PIEZO2: variants seen among roughly 807,000 people sequenced by gnomAD.
PIEZO2 encodes piezo type mechanosensitive ion channel component 2, also known as piezo-type mechanosensitive ion channel component 2.
Under a neutral mutation model 337.3 loss-of-function variants are expected in PIEZO2, and 172 were observed. The observed-to-expected ratio is 0.51, with a 90% confidence interval of 0.45 to 0.58. The LOEUF (loss-of-function observed/expected upper bound fraction) is 0.58. PIEZO2 is among the 20% of genes least tolerant of loss of function. The pLI, the probability that PIEZO2 is intolerant of heterozygous loss-of-function variation, is 0.00. For synonymous variants in PIEZO2, 1,251 were observed against 1,228.5 expected (o/e 1.02, Z -0.38); for missense variants, 3,028 against 3,391.3 (o/e 0.89, Z 2.66).
chr18:10,779,315 T>G (rs1399617539), intron 18 of PIEZO2, among the ~76,000 whole-genome samples: 1 of 152,258 alleles, frequency 6.6e-6, no homozygotes, highest in Non-Finnish European at 1.5e-5. Context: ...TTGCAAGATA[T>G]ATTTCTCTTA....
chr18:10,791,535 G>A, intron 13 of PIEZO2: 1 of 403,456 alleles, frequency 2.5e-6, no homozygotes, highest in Non-Finnish European at 4.2e-6. Context: ...TGTGTTGGGT[G>A]CCAGAAGCAC....
In PIEZO2 at chr18:10,895,329, A is replaced by G. The variant is rs2042868547; in HGVS notation, c.329+15857T>C. Among the ~76,000 whole-genome samples, 1 of 151,862 alleles carries G rather than the reference A, an allele frequency of 6.6e-6. No individual in the cohort carries two copies. Among genetic ancestry groups the G allele is most frequent in the Non-Finnish European group, 1.5e-5 (1 of 67,968 alleles). The stretch of plus-strand genomic sequence containing the variant: ...GGTATGTTGGTGCGCACCTGTAATA[A>G]CAGCTACTCGGGAGGCTGAGGCAGG... On this transcript the variant is annotated intron_variant, in intron 4 of 55. Transcript: ENST00000674853. The surrounding 1 kb of genome is among the most constrained non-coding windows in gnomAD (Gnocchi z 4.8).
In PIEZO2 at chr18:11,148,428, CCCAGAGCA is replaced by C. The variant is rs2040863765; in HGVS notation, c.64+89_64+96del. The C allele has an allele frequency of 1.4e-6, 2 of 1,379,470 alleles. No homozygotes were observed. The highest frequency in any genetic ancestry group is 1.4e-5 in the African/African-American group (1 of 69,650). The allele number at this position is 1,379,470 out of a possible 1,614,324, so 85.5% of individuals were successfully genotyped here. A position where few individuals can be genotyped will look rare whatever the true frequency, so the allele number is the denominator to read the frequency against. On this transcript the variant is annotated intron_variant, in intron 1 of 55. Coordinates refer to ENST00000674853, the MANE Select transcript of PIEZO2 (RefSeq NM_001378183.1). This position sits in a 1 kb window ranked among gnomAD's most constrained non-coding sequence, Gnocchi z 5.2. The stretch of plus-strand genomic sequence containing the variant: ...ACGCCGCTGGCCTCCCGAATCGAAC[CCCAGAGCA>C]CCAGAGCCCTTCACTTTGTTAAGAA...
In PIEZO2 at chr18:10,803,931, C is replaced by T. The variant is rs2039910190; in HGVS notation, c.1144G>A (p.Ala382Thr). 6.5e-7 allele frequency: 1 copy of T among 1,537,224 alleles called. No homozygotes were observed. The highest frequency in any genetic ancestry group is 1.2e-5 in the South Asian group (1 of 84,066). ...TACCACAGGCTCCGCCTCCTCCCCG[C>T]TGTTATTTGGATGGGGCTACAAGCC... ...ALACSPIQIT[A>T]GRRRSLWYAT... Residue 382 changes from alanine to threonine, a missense_variant, in exon 9 of 56, where the codon GCG becomes ACG. This residue lies in a region of PIEZO2 where 542 missense variants were observed against 605.6 expected (regional missense o/e 0.89). Coordinates refer to ENST00000674853, the MANE Select transcript of PIEZO2 (RefSeq NM_001378183.1).
At chr18:10,950,820 C>A (rs1243422426) in intron 3 of PIEZO2, among the ~76,000 whole-genome samples, 1 of 152,200 alleles carries the variant, frequency 6.6e-6, no homozygotes, top group Non-Finnish European at 1.5e-5. Flanking sequence ...GTCTCCCATT[C>A]CTCAACATGG....
In PIEZO2 at chr18:10,677,436, T is replaced by C. The variant is rs569162784; in HGVS notation, c.8081+311A>G. On this transcript the variant is annotated intron_variant, in intron 53 of 55. Coordinates refer to ENST00000674853, the MANE Select transcript of PIEZO2 (RefSeq NM_001378183.1). The surrounding 1 kb of genome is among the most constrained non-coding windows in gnomAD (Gnocchi z 4.1). ...TTTCACCATGTTGGTCAGGCTGGTC[T>C]TGAACTCCCGACCTCAGGGGATCCA... 3 of 267,846 alleles carry C rather than the reference T, an allele frequency of 1.1e-5. No homozygotes were observed. The Admixed American group carries it at 1.6e-4, about 14-fold the overall frequency. The allele number at this position is 267,846 out of a possible 1,614,324, so 16.6% of individuals were successfully genotyped here.
At position 10,759,751 on chromosome 18, in the gene PIEZO2, G is replaced by A. The variant is rs969087640; in HGVS notation, c.3609C>T (p.Thr1203=). ...KYCCFLACII[T]FQYFICIGIP... is the part of the protein sequence containing the mutation. ...TGCCAATGCAGATGAAATACTGGAA[G>A]GTGATGATGCATGCCAGGAAGCAGC... The change falls in exon 25 of 56, where the codon ACC becomes ACT. Residue 1203 remains threonine, a synonymous_variant. Transcript: ENST00000674853. This position sits in a 1 kb window ranked among gnomAD's most constrained non-coding sequence, Gnocchi z 5.5. 8 of 1,537,336 alleles carry A rather than the reference G, an allele frequency of 5.2e-6. No individual in the cohort carries two copies. The highest frequency in any genetic ancestry group is 7.0e-6 in the Non-Finnish European group (8 of 1,146,918).
At position 10,677,872 on chromosome 18, in the gene PIEZO2, G is replaced by A; in HGVS notation, c.7956C>T (p.Asn2652=). 6.4e-7 allele frequency: 1 copy of A among 1,552,524 alleles called. No homozygotes were observed. Among genetic ancestry groups the A allele is most frequent in the Non-Finnish European group, 8.6e-7 (1 of 1,159,368 alleles). The change falls in exon 53 of 56, where the codon AAC becomes AAT. Residue 2652 remains asparagine (N), a synonymous_variant. Coordinates refer to ENST00000674853, the MANE Select transcript of PIEZO2 (RefSeq NM_001378183.1). This position sits in a 1 kb window ranked among gnomAD's most constrained non-coding sequence, Gnocchi z 4.1. ...TTTCCGATTTTGCACCCAGACTTAA[G>A]TTTCTGTGAAGAAAAAAAAAAAGCT... ...SVVFSWSIQR[N]LSLGAKSEIA... is the part of the protein sequence containing the mutation.
rs1484103872 is a variant in PIEZO2, at chr18:10,895,046, C to G, written c.329+16140G>C. On this transcript the variant is annotated intron_variant, in intron 4 of 55. Coordinates refer to ENST00000674853, the MANE Select transcript of PIEZO2 (RefSeq NM_001378183.1). This position sits in a 1 kb window ranked among gnomAD's most constrained non-coding sequence, Gnocchi z 4.8. The stretch of plus-strand genomic sequence containing the variant: ...CCGTGCTCTTGCATGGTCATTCCTC[C>G]CCCTGAAGCCTCAGTGGGCTGTCAT... Among the ~76,000 whole-genome samples, 1 of 152,216 alleles carries G rather than the reference C, an allele frequency of 6.6e-6. No individual in the cohort carries two copies. The highest frequency in any genetic ancestry group is 2.4e-5 in the African/African-American group (1 of 41,450).
rs1425537264 is a variant in PIEZO2, at chr18:10,702,405, C to T, written c.6259-234G>A. ...GTCTTTCACTGTAGATCCAGCAAGG[C>T]CAGTCAGACTTCTCAGGGCACCGCT... is the stretch of plus-strand genomic sequence containing the variant. On this transcript the variant is annotated intron_variant, in intron 42 of 55. Coordinates refer to ENST00000674853, the MANE Select transcript of PIEZO2 (RefSeq NM_001378183.1). Among the ~76,000 whole-genome samples the T allele has an allele frequency of 3.9e-5, 6 of 152,292 alleles. No individual in the cohort carries two copies. In the East Asian group the frequency reaches 9.6e-4, roughly 24 times the overall value.
intron 3 of PIEZO2, among the ~76,000 whole-genome samples, chr18:10,919,470 C>A (rs543472240): frequency 3.9e-5 from 6 of 151,934 alleles, no homozygotes; most frequent in Non-Finnish European, 8.8e-5. Context: ...TACGTCAACT[C>A]AAGAAGGTAT....
chr18:10,808,756 T>C (rs1003878940), intron 7 of PIEZO2, among the ~76,000 whole-genome samples: 1 of 152,156 alleles, frequency 6.6e-6, no homozygotes, highest in African/African-American at 2.4e-5. Context: ...TTTCTGAAAA[T>C]GTTTTTGCAG....
chr18:10,958,612 G>A (rs951991990), intron 3 of PIEZO2, among the ~76,000 whole-genome samples: 1 of 152,042 alleles, frequency 6.6e-6, no homozygotes, highest in African/African-American at 2.4e-5. Flanking sequence ...TTTCTACAAG[G>A]TATACATAGA....
intron 5 of PIEZO2, among the ~76,000 whole-genome samples, chr18:10,868,971 A>T (rs1050733382): frequency 2.0e-5 from 3 of 152,198 alleles, no homozygotes; most frequent in African/African-American, 7.2e-5. Context: ...AGATTCTTTT[A>T]CTGAGTGGGT....
chr18:10,956,660 G>A (rs2033537072), intron 3 of PIEZO2, among the ~76,000 whole-genome samples: 1 of 152,204 alleles, frequency 6.6e-6, no homozygotes, highest in Non-Finnish European at 1.5e-5. Context: ...AATCAAAACA[G>A]TATCGTATTG....
chr18:10,784,927 A>G lies in PIEZO2; in HGVS notation c.2349T>C (p.Thr783=). The G allele has an allele frequency of 1.3e-6, 2 of 1,537,076 alleles. No homozygotes were observed. Among genetic ancestry groups the G allele is most frequent in the South Asian group, 2.4e-5 (2 of 84,026 alleles). ...KLEDLGLKQF[T]VAELFTRIFI... is the part of the protein sequence containing the mutation. ...ATATGCGAGTGAATAGTTCAGCCAC[A>G]GTAAACTGCTTTAAGCCAAGATCCT... The change falls in exon 17 of 56, where the codon ACT becomes ACC. Residue 783 remains threonine, a synonymous_variant. Transcript: ENST00000674853. The surrounding 1 kb of genome is among the most constrained non-coding windows in gnomAD (Gnocchi z 4.5).
rs139924628 is a variant in PIEZO2, at chr18:11,124,334, C to T, written c.64+24191G>A. ...TATAAAGACCCAAAAGGAATGAAGA[C>T]AATGAATTCTTCCTAGTTCTTCCCA... On this transcript the variant is annotated intron_variant, in intron 1 of 55. Transcript: ENST00000674853. Among the ~76,000 whole-genome samples, 219 of 152,304 alleles carry T rather than the reference C, an allele frequency of 1.4e-3. 1 individual carries two copies. The highest frequency in any genetic ancestry group is 4.6e-3 in the African/African-American group (193 of 41,564).
At chr18:11,067,985 G>A (rs773408537) in intron 1 of PIEZO2, among the ~76,000 whole-genome samples, 1 of 152,160 alleles carries the variant, frequency 6.6e-6, no homozygotes, top group Non-Finnish European at 1.5e-5. Flanking sequence ...GCAGTGGCAC[G>A]ATCTCAGCTC....
At position 10,671,340 on chromosome 18, in the gene PIEZO2, A is replaced by G. The variant is rs183953792; in HGVS notation, c.*187T>C. 97 of 559,368 alleles carry G rather than the reference A, an allele frequency of 1.7e-4. No homozygotes were observed. The highest frequency in any genetic ancestry group is 1.6e-3 in the African/African-American group (85 of 52,122). 34.7% of individuals were successfully genotyped at this position (559,368 alleles called of 1,614,324 possible). ...TCAGAGAAATGGAGTTACAAATAAC[A>G]TTTTCAACAGTGCCTTAACTTGCAA... On this transcript the variant is annotated 3_prime_UTR_variant, in exon 56 of 56. Coordinates refer to ENST00000674853, the MANE Select transcript of PIEZO2 (RefSeq NM_001378183.1).
Sources: gnomAD v4.1 joint callset for allele counts (sites outside exome capture counted in the v4.1 genomes callset) on GRCh38, gnomAD v4.1.1 for gene constraint, gnomAD v4.1.1 regional missense constraint, Gnocchi (gnomAD v3.1) non-coding constraint, MANE v1.5 for transcripts, NCBI Gene and HGNC (gene_info 2026-07-23, HGNC 2026-07-21) for gene names.